Variants in SLC9A8 observed in about 807,000 individuals in gnomAD.
SLC9A8 encodes solute carrier family 9 member A8.
In SLC9A8, 48 loss-of-function variants were observed where a neutral mutation model predicts 66.6. The ratio of observed to expected loss-of-function variants is 0.72; its 90% CI spans 0.57 to 0.92. The LOEUF is 0.92. Among genes scored for constraint, SLC9A8 ranks in the 40% least tolerant of loss-of-function variants. SLC9A8 has a pLI of 0.00. For missense variants in SLC9A8, 599 were observed against 747.3 expected (o/e 0.80, Z 2.31); for synonymous variants, 274 against 282.6 (o/e 0.97, Z 0.31).
intron 1 of SLC9A8, among the ~76,000 whole-genome samples, chr20:49,813,191 A>T (rs1442478530): frequency 6.6e-6 from 1 of 152,200 alleles, no homozygotes; most frequent in Non-Finnish European, 1.5e-5. Context: ...AGGCCCGGAG[A>T]GCTGTCTTGC....
At chr20:49,837,382 C>T (rs1336215979) in intron 3 of SLC9A8, among the ~76,000 whole-genome samples, 1 of 152,162 alleles carries the variant, frequency 6.6e-6, no homozygotes, top group Non-Finnish European at 1.5e-5. Context: ...TTGACTGAGA[C>T]TTGTCTCAGA....
rs1169835736 is a variant in SLC9A8 at position 49,892,063 on chromosome 20, C to G, written c.*4127C>G. ...GTTTCCTGAGCAGTGATGTGCTGCT[C>G]TTCTTGGTGGGGCTTTGGGCTGGGA... On this transcript the variant is annotated 3_prime_UTR_variant, in exon 16 of 16. Transcript: ENST00000361573. 7.9e-6 allele frequency: 1 copy of G among 125,802 alleles called. No homozygotes were observed. Among genetic ancestry groups the G allele is most frequent in the Non-Finnish European group, 1.7e-5 (1 of 57,662 alleles). The allele number at this position is 125,802 out of a possible 1,614,324, so 7.8% of individuals were successfully genotyped here.
chr20:49,873,482 CAAAAAAA>C (rs3092533), intron 10 of SLC9A8, among the ~76,000 whole-genome samples: 1 of 103,108 alleles, frequency 9.7e-6, no homozygotes, highest in Admixed American at 1.1e-4. Context: ...ACCCTGTCTC[CAAAAAAA>C]AAAAAAAAAA....
rs979053106 is a variant in SLC9A8, at chr20:49,888,059, G to A, written c.*123G>A. The A allele has an allele frequency of 1.5e-5, 11 of 748,052 alleles. No homozygotes were observed. Among genetic ancestry groups the A allele is most frequent in the Middle Eastern group, 3.5e-4 (1 of 2,884 alleles). 46.3% of individuals were successfully genotyped at this position (748,052 alleles called of 1,614,324 possible). A position where few individuals can be genotyped will look rare whatever the true frequency, so the allele number is the denominator to read the frequency against. ...GCCCCTTCAAGACATAAGAGGGCGG[G>A]GCGAGGTACTGGCTGCAGAGTCGCC... On this transcript the variant is annotated 3_prime_UTR_variant, in exon 16 of 16. Coordinates refer to ENST00000361573, the MANE Select transcript of SLC9A8 (RefSeq NM_015266.3).
chr20:49,823,788 G>T (rs1484306423), intron 3 of SLC9A8, among the ~76,000 whole-genome samples: 5 of 152,172 alleles, frequency 3.3e-5, no homozygotes, highest in Admixed American at 1.3e-4. Flanking sequence ...AATGTGGGTG[G>T]AGACATGTAA....
chr20:49,869,344 G>T (rs577420396), intron 10 of SLC9A8, among the ~76,000 whole-genome samples: 1 of 151,826 alleles, frequency 6.6e-6, no homozygotes, highest in African/African-American at 2.4e-5. Flanking sequence ...TCAGCCTTCC[G>T]AGTAGCTGGG....
At chr20:49,881,219 C>A (rs2089615070) in intron 13 of SLC9A8, among the ~76,000 whole-genome samples, 184 bp downstream of exon 13, 1 of 152,124 alleles carries the variant, frequency 6.6e-6, no homozygotes, top group African/African-American at 2.4e-5. Flanking sequence ...GTGGGTGAGG[C>A]TTGGTTGGAA....
chr20:49,836,338 C>A (rs1438395473), intron 3 of SLC9A8, among the ~76,000 whole-genome samples: 2 of 151,986 alleles, frequency 1.3e-5, no homozygotes, highest in African/African-American at 4.8e-5. Flanking sequence ...TTGGGTTCTT[C>A]CCACTTTTTT....
intron 3 of SLC9A8, among the ~76,000 whole-genome samples, chr20:49,836,588 A>G (rs1443718711): frequency 6.6e-6 from 1 of 151,928 alleles, no homozygotes; most frequent in Non-Finnish European, 1.5e-5. Context: ...GCGCCTCCCA[A>G]AGTGCTGGGA....
rs147793843 is a variant in SLC9A8, at chr20:49,880,957, T to G, written c.1192T>G (p.Phe398Val). ...ACTATTTGGCAGAGCGGTAAACATT[T>G]TCCCTCTTTCCTACCTCCTGAATTT... ...LVLFGRAVNI[F>V]PLSYLLNFFR... Residue 398 changes from phenylalanine to valine, a missense_variant, in exon 13 of 16, where the codon TTC becomes GTC. Phe to Val is a conservative substitution (Grantham distance 50). Transcript: ENST00000361573. 3 of 1,613,884 alleles carry G rather than the reference T, an allele frequency of 1.9e-6. No homozygotes were observed. The highest frequency in any genetic ancestry group is 2.5e-6 in the Non-Finnish European group (3 of 1,179,724).
At chr20:49,849,721 T>C in intron 6 of SLC9A8, 41 bp downstream of exon 6, 1 of 1,489,562 alleles carries the variant, frequency 6.7e-7, no homozygotes, top group South Asian at 1.1e-5. Flanking sequence ...AGTCTTACAT[T>C]CTTAGAGCTA....
At chr20:49,849,702 C>T (rs768392005) in intron 6 of SLC9A8, 22 bp downstream of exon 6, 8 of 1,552,360 alleles carry the variant, frequency 5.2e-6, no homozygotes, top group Non-Finnish European at 5.3e-6. Flanking sequence ...ATCTTTGAAA[C>T]ACTTTGAAAG....
intron 3 of SLC9A8, among the ~76,000 whole-genome samples, chr20:49,837,302 TGTC>T (rs60107805): frequency 0.24 from 36,204 of 151,914 alleles, 4,517 homozygotes; most frequent in Non-Finnish European, 0.29. Flanking sequence ...CTTGGGCACA[TGTC>T]GTCAGGACCT....
chr20:49,834,469 GTATA>G (rs148411294), intron 3 of SLC9A8, among the ~76,000 whole-genome samples: 2 of 70,568 alleles, frequency 2.8e-5, no homozygotes, highest in African/African-American at 4.7e-5. Flanking sequence ...TATATACTGT[GTATA>G]TATATATATA....
At chr20:49,850,890 G>A (rs1368925102) in intron 7 of SLC9A8, 46 bp downstream of exon 7, 1 of 1,437,206 alleles carries the variant, frequency 7.0e-7, no homozygotes, top group Non-Finnish European at 9.7e-7. Context: ...TTTTCAGACA[G>A]GGGAAATGTT....
chr20:49,883,315 TAGG>T (rs1008068164), intron 13 of SLC9A8, among the ~76,000 whole-genome samples: 41 of 151,876 alleles, frequency 2.7e-4, no homozygotes, highest in African/African-American at 9.7e-4. Flanking sequence ...CATCTCGAGA[TAGG>T]AGGGGTACTG....
At chr20:49,874,383 G>A (rs1413603353) in intron 10 of SLC9A8, among the ~76,000 whole-genome samples, 1 of 152,114 alleles carries the variant, frequency 6.6e-6, no homozygotes, top group Admixed American at 6.6e-5. Flanking sequence ...GTGCTGTGAA[G>A]GGGACTTTAC....
chr20:49,832,978 T>G (rs2087272651), intron 3 of SLC9A8, among the ~76,000 whole-genome samples: 1 of 152,032 alleles, frequency 6.6e-6, no homozygotes, highest in Admixed American at 6.6e-5. Context: ...TGGTCTCAGC[T>G]CACTGCAACC....
chr20:49,839,070 C>A (rs2146558134), intron 3 of SLC9A8, among the ~76,000 whole-genome samples: 1 of 152,278 alleles, frequency 6.6e-6, no homozygotes, highest in East Asian at 1.9e-4. Context: ...AGAACTTTTA[C>A]TTTAGGTTAT....
Sources: gnomAD v4.1 joint callset for allele counts (sites outside exome capture counted in the v4.1 genomes callset) on GRCh38, gnomAD v4.1.1 for gene constraint, MANE v1.5 for transcripts, NCBI Gene and HGNC (gene_info 2026-07-23, HGNC 2026-07-21) for gene names.